Variants in SHTN1 observed in about 807,000 individuals in gnomAD.
SHTN1 encodes shootin 1, also known as shootin-1.
In SHTN1, 42 loss-of-function variants were observed where a neutral mutation model predicts 83.1. The ratio of observed to expected loss-of-function variants is 0.51; its 90% confidence interval spans 0.39 to 0.65. The LOEUF (loss-of-function observed/expected upper bound fraction) is 0.65, where lower values mean the gene tolerates loss of function less well. Ranked by LOEUF, SHTN1 falls within the 30% of genes least tolerant of loss-of-function variation. The probability of loss-of-function intolerance (pLI) is 0.00; values close to 1 mark genes in which losing one functional copy is unlikely to be tolerated. For synonymous variants in SHTN1, 224 were observed against 247.7 expected, an observed-to-expected ratio of 0.90 and a Z score of 0.90; for missense variants, 622 against 737.8, an observed-to-expected ratio of 0.84 and a Z score of 1.82.
intron 2 of SHTN1, among the ~76,000 whole-genome samples, chr10:117,044,362 C>A (rs12412326): frequency 2.6e-5 from 4 of 152,112 alleles, no homozygotes; most frequent in African/African-American, 9.6e-5. Context: ...TAGTGTTCAA[C>A]TATATGTATG....
chr10:117,050,697 T>TA (rs150708766), intron 1 of SHTN1, among the ~76,000 whole-genome samples: 4,722 of 143,246 alleles, frequency 0.033, 225 homozygotes, highest in African/African-American at 0.11. Context: ...CTAGAATGAC[T>TA]AAAAAAAAAA....
At chr10:117,095,960 A>G (rs775528877) in intron 1 of SHTN1, among the ~76,000 whole-genome samples, 5 of 152,224 alleles carry the variant, frequency 3.3e-5, no homozygotes, top group Non-Finnish European at 7.3e-5. Context: ...GAGCTTTAAA[A>G]TGTATTTGAG....
intron 10 of SHTN1, among the ~76,000 whole-genome samples, chr10:116,928,210 T>C (rs1400251998): frequency 6.6e-6 from 1 of 152,180 alleles, no homozygotes; most frequent in African/African-American, 2.4e-5. Context: ...AACAACGAAG[T>C]ATATGACTCA....
chr10:117,002,687 T>C (rs1851866122), intron 1 of SHTN1, among the ~76,000 whole-genome samples: 1 of 152,170 alleles, frequency 6.6e-6, no homozygotes, highest in Non-Finnish European at 1.5e-5. Flanking sequence ...CTGAACACTT[T>C]TGAAGTAAAT....
chr10:116,906,499 T>G (rs1847976794), intron 15 of SHTN1, 128 bp downstream of exon 15: 14 of 904,824 alleles, frequency 1.5e-5, no homozygotes, highest in Non-Finnish European at 1.9e-5. Context: ...CATCCCATAC[T>G]TCTCACTCAC....
chr10:117,059,952 T>G (rs1257031332), intron 1 of SHTN1, among the ~76,000 whole-genome samples: 1 of 152,220 alleles, frequency 6.6e-6, no homozygotes, highest in African/African-American at 2.4e-5. Context: ...GGCCGACGCC[T>G]GTAATCCCAA....
At chr10:116,966,165 G>A (rs182156418) in intron 3 of SHTN1, among the ~76,000 whole-genome samples, 1,832 of 152,170 alleles carry the variant, frequency 0.012, 21 homozygotes, top group Non-Finnish European at 0.019. Context: ...CCGCCACCAC[G>A]CCTGGCTAAT....
chr10:116,951,328 C>T (rs1849768566), intron 6 of SHTN1, among the ~76,000 whole-genome samples: 1 of 152,144 alleles, frequency 6.6e-6, no homozygotes, highest in Admixed American at 6.5e-5. Flanking sequence ...GAGGCTGAGG[C>T]AGGAGGATCA....
intron 3 of SHTN1, among the ~76,000 whole-genome samples, chr10:116,965,747 T>C (rs556602318): frequency 5.8e-4 from 89 of 152,214 alleles, no homozygotes; most frequent in Admixed American, 9.8e-4. Flanking sequence ...ACTTACTATA[T>C]GCCAGGTACA....
intron 1 of SHTN1, among the ~76,000 whole-genome samples, chr10:117,071,432 A>G (rs1853079673): frequency 2.6e-5 from 4 of 152,218 alleles, no homozygotes; most frequent in Admixed American, 2.6e-4. Context: ...ATTACTCAAT[A>G]AGTCAGCTCA....
Position 116,917,859 on chromosome 10 carries a change from T to C in SHTN1, c.1196-2375A>G, listed in dbSNP as rs546981428. On this transcript the variant is annotated intron_variant, in intron 12 of 16. Coordinates refer to ENST00000355371, the MANE Select transcript of SHTN1 (RefSeq NM_001127211.3). Reference sequence around the variant, plus strand: ...GTCTTTTTCAAATGTAAAGGCTTAATTGGTTTTAAGGAAAAGGAATCATTC... The same window carrying C: ...GTCTTTTTCAAATGTAAAGGCTTAACTGGTTTTAAGGAAAAGGAATCATTC... 7.7e-4 allele frequency among the ~76,000 whole-genome samples: 117 copies of C among 152,302 alleles called. 2 individuals carry two copies. The South Asian group carries it at 0.023, about 29-fold the overall frequency.
intron 1 of SHTN1, among the ~76,000 whole-genome samples, chr10:116,986,149 T>C (rs889037821): frequency 2.0e-5 from 3 of 152,212 alleles, no homozygotes; most frequent in East Asian, 3.9e-4. Flanking sequence ...ATCTTTAAAA[T>C]ACACACATAA....
At chr10:116,929,274 C>T (rs1390908641) in intron 10 of SHTN1, among the ~76,000 whole-genome samples, 1 of 152,164 alleles carries the variant, frequency 6.6e-6, no homozygotes, top group Non-Finnish European at 1.5e-5. Context: ...CGCACATTCC[C>T]GTTAAGCCTT....
At chr10:117,104,036 C>T (rs1357537238) in intron 1 of SHTN1, among the ~76,000 whole-genome samples, 1 of 152,096 alleles carries the variant, frequency 6.6e-6, no homozygotes, top group Non-Finnish European at 1.5e-5. Context: ...ATTATTGTCT[C>T]CATTTTATAG....
intron 16 of SHTN1, among the ~76,000 whole-genome samples, chr10:116,892,129 C>G (rs1847358310): frequency 6.6e-6 from 1 of 152,154 alleles, no homozygotes; most frequent in South Asian, 2.1e-4. Context: ...TTTTCTTTAG[C>G]TGAGTGACTG....
intron 14 of SHTN1, among the ~76,000 whole-genome samples, chr10:116,908,264 G>A (rs1223175532): frequency 6.6e-6 from 1 of 152,096 alleles, no homozygotes; most frequent in Non-Finnish European, 1.5e-5. Flanking sequence ...TTCCTTAGAA[G>A]TATCTCTTTT....
chr10:117,097,722 A>T (rs1030172994), intron 1 of SHTN1, among the ~76,000 whole-genome samples: 1 of 152,240 alleles, frequency 6.6e-6, no homozygotes, highest in South Asian at 2.1e-4. Context: ...TTTCAAATGT[A>T]TTTGAGAACT....
intron 1 of SHTN1, among the ~76,000 whole-genome samples, chr10:117,065,552 T>C (rs1473095090): frequency 1.3e-5 from 2 of 150,592 alleles, no homozygotes; most frequent in Non-Finnish European, 3.0e-5. Context: ...ACCCCCTCTC[T>C]ACCAAAAATA....
intron 1 of SHTN1, among the ~76,000 whole-genome samples, chr10:117,082,527 A>T (rs1853286799): frequency 6.6e-6 from 1 of 151,780 alleles, no homozygotes; most frequent in Non-Finnish European, 1.5e-5. Context: ...TTTGGGGTGG[A>T]GAGTTCTGTA....
Sources: gnomAD v4.1 joint callset for allele counts (sites outside exome capture counted in the v4.1 genomes callset) on GRCh38, gnomAD v4.1.1 for gene constraint, MANE v1.5 for transcripts, NCBI Gene and HGNC (gene_info 2026-07-23, HGNC 2026-07-21) for gene names.